The following GARNL3 variants were observed in gnomAD, a reference collection of about 807,000 sequenced individuals.
GARNL3 encodes the protein GTPase-activating Rap/Ran-GAP domain-like protein 3.
Under a neutral mutation model 125.0 loss-of-function variants are expected in GARNL3, and 63 were observed. That is an observed-to-expected ratio of 0.50 (90% confidence interval 0.41 to 0.62). The LOEUF (loss-of-function observed/expected upper bound fraction) is 0.62, where lower values mean the gene tolerates loss of function less well. Among genes scored for constraint, GARNL3 ranks in the 20% least tolerant of loss-of-function variants. The pLI is 0.00. For missense variants in GARNL3, 994 were observed against 1,244.0 expected, an observed-to-expected ratio of 0.80 and a Z score of 3.02; for synonymous variants, 439 against 457.5, an observed-to-expected ratio of 0.96 and a Z score of 0.52.
At chr9:127,354,214 A>T in intron 18 of GARNL3, 80 bp from the exon 19 acceptor site, 1 of 1,028,310 alleles carries the variant, frequency 9.7e-7, no homozygotes, top group Non-Finnish European at 1.5e-6. Flanking sequence ...TAGTTTTTCT[A>T]CACAGTCTGC....
intron 1 of GARNL3, among the ~76,000 whole-genome samples, chr9:127,238,739 T>A (rs2063154101): frequency 6.7e-6 from 1 of 149,056 alleles, no homozygotes; most frequent in Non-Finnish European, 1.5e-5. Context: ...TTTGTTCTCT[T>A]GGTGTCTTAT....
upstream of GARNL3, among the ~76,000 whole-genome samples, chr9:127,261,345 T>C (rs1178453778): frequency 2.0e-5 from 3 of 151,946 alleles, no homozygotes; most frequent in African/African-American, 7.3e-5. Context: ...GTCCTCTCCA[T>C]TGCAGCTGGC....
intron 1 of GARNL3, among the ~76,000 whole-genome samples, chr9:127,226,146 T>A (rs896309049): frequency 6.6e-6 from 1 of 152,224 alleles, no homozygotes. Flanking sequence ...AAGCCGTGAC[T>A]GTGCCCTTCG....
chr9:127,312,722 G>C (rs1463312368), intron 3 of GARNL3, among the ~76,000 whole-genome samples: 5 of 152,212 alleles, frequency 3.3e-5, no homozygotes, highest in Admixed American at 2.6e-4. Flanking sequence ...GTGTATTATT[G>C]TAAGAAGTTC....
chr9:127,331,736 C>A (rs370040040), intron 7 of GARNL3, among the ~76,000 whole-genome samples: 4 of 14,794 alleles, frequency 2.7e-4, no homozygotes, highest in Admixed American at 6.3e-4. Context: ...TTTTTTTTTT[C>A]ACATCTGTTT....
intron 21 of GARNL3, among the ~76,000 whole-genome samples, chr9:127,359,263 G>A (rs1036175113): frequency 3.9e-5 from 6 of 152,230 alleles, no homozygotes; most frequent in Non-Finnish European, 8.8e-5. Flanking sequence ...GCCAAGGCCG[G>A]CGGATCACCT....
chr9:127,344,882 G>A (rs771125515), intron 15 of GARNL3, among the ~76,000 whole-genome samples: 3 of 152,156 alleles, frequency 2.0e-5, no homozygotes, highest in South Asian at 2.1e-4. Context: ...TCTCAGTTCC[G>A]GGAGGCGACA....
chr9:127,320,867 G>A, intron 6 of GARNL3, 89 bp downstream of exon 6: 4 of 850,648 alleles, frequency 4.7e-6, no homozygotes, highest in Non-Finnish European at 7.6e-6. Context: ...CTTATCCTGG[G>A]ATGCAAAGCC....
rs370053089 is a variant in GARNL3 at position 127,387,165 on chromosome 9, C to T, written c.2389-28C>T. 3.1e-6 allele frequency: 5 copies of T among 1,601,618 alleles called. No individual in the cohort carries two copies. The African/African-American group carries it at 6.7e-5, about 21-fold the overall frequency. On this transcript the variant is annotated intron_variant, in intron 24 of 27. Transcript: ENST00000373387. ...ATGCAAGGCCTAGAACACCAGGCAG[C>T]CCGGTAATGCTCTCTCTTCCTTTCT...
chr9:127,229,511 T>G (rs74979203), intron 1 of GARNL3, among the ~76,000 whole-genome samples: 17,838 of 152,224 alleles, frequency 0.12, 3,449 homozygotes, highest in African/African-American at 0.4. Flanking sequence ...TTCATTTATT[T>G]TTGAGACAAA....
At chr9:127,327,044 C>T (rs10987595) in intron 7 of GARNL3, among the ~76,000 whole-genome samples, 5,754 of 152,192 alleles carry the variant, frequency 0.038, 294 homozygotes, top group African/African-American at 0.11. Context: ...GAAAGATTGC[C>T]ATCACATAGT....
chr9:127,388,550 A>G (rs1832671023), intron 25 of GARNL3: 3 of 321,138 alleles, frequency 9.3e-6, no homozygotes, highest in Non-Finnish European at 1.8e-5. Context: ...CGCTTTGAAC[A>G]CAGCGCTTTT....
At chr9:127,284,342 C>T (rs1180755720) in intron 1 of GARNL3, among the ~76,000 whole-genome samples, 1 of 152,042 alleles carries the variant, frequency 6.6e-6, no homozygotes, top group Non-Finnish European at 1.5e-5. Context: ...TTCTCTTAAT[C>T]TTTTAGAAAT....
intron 1 of GARNL3, among the ~76,000 whole-genome samples, chr9:127,286,566 C>A (rs1340865588): frequency 6.6e-6 from 1 of 152,178 alleles, no homozygotes; most frequent in Non-Finnish European, 1.5e-5. Context: ...TCTTTACGGG[C>A]ATTTTCTTCT....
In GARNL3 at chr9:127,364,684, G is replaced by C. The variant is rs546723429; in HGVS notation, c.2095-616G>C. 3.3e-5 allele frequency: 5 copies of C among 152,430 alleles called. No homozygotes were observed. The highest frequency in any genetic ancestry group is 1.2e-4 in the African/African-American group (5 of 41,554). 9.4% of individuals were successfully genotyped at this position (152,430 alleles called of 1,614,324 possible). A position where few individuals can be genotyped will look rare whatever the true frequency, so the allele number is the denominator to read the frequency against. On this transcript the variant is annotated intron_variant, in intron 21 of 27. Transcript: ENST00000373387. The surrounding 1 kb of genome is among the most constrained non-coding windows in gnomAD (Gnocchi z 4.2). ...ACCATGCTGCCTCTCTTGACATGAA[G>C]AACAGAGAAAGAATAAAGTGTGAAG...
intron 2 of GARNL3, among the ~76,000 whole-genome samples, chr9:127,257,885 C>T (rs762721550): frequency 1.3e-5 from 2 of 152,208 alleles, no homozygotes; most frequent in Non-Finnish European, 2.9e-5. Flanking sequence ...CAGGGCATGG[C>T]GATGGCCAAG....
At chr9:127,278,122 T>C (rs1334854439) in intron 1 of GARNL3, among the ~76,000 whole-genome samples, 1 of 152,204 alleles carries the variant, frequency 6.6e-6, no homozygotes, top group Non-Finnish European at 1.5e-5. Context: ...TTAATATATT[T>C]TTCCGATTAT....
intron 2 of GARNL3, among the ~76,000 whole-genome samples, chr9:127,258,201 A>T (rs1334232141): frequency 6.6e-6 from 1 of 152,112 alleles, no homozygotes; most frequent in Non-Finnish European, 1.5e-5. Flanking sequence ...AAAACAGGGG[A>T]GCAGGGAGCT....
chr9:127,350,428 C>T (rs1830363635), intron 17 of GARNL3, among the ~76,000 whole-genome samples: 1 of 152,030 alleles, frequency 6.6e-6, no homozygotes, highest in Admixed American at 6.6e-5. Flanking sequence ...ATAGTAGTAA[C>T]TTATTAAATG....
Sources: gnomAD v4.1 joint callset for allele counts (sites outside exome capture counted in the v4.1 genomes callset) on GRCh38, gnomAD v4.1.1 for gene constraint, Gnocchi (gnomAD v3.1) non-coding constraint, MANE v1.5 for transcripts, NCBI Gene and HGNC (gene_info 2026-07-23, HGNC 2026-07-21) for gene names.